Variants in APBB1IP observed in about 807,000 individuals in gnomAD.
APBB1IP encodes the protein amyloid beta precursor protein binding family B member 1 interacting protein, also known as amyloid beta A4 precursor protein-binding family B member 1-interacting protein.
A neutral mutation model predicts 64.9 loss-of-function variants in APBB1IP; 27 were observed. The observed-to-expected ratio is 0.42, with a 90% CI of 0.31 to 0.57. APBB1IP has a LOEUF of 0.57. APBB1IP is among the 20% of genes least tolerant of loss of function. The pLI, the probability that APBB1IP is intolerant of heterozygous loss-of-function variation, is 0.20. For synonymous variants in APBB1IP, 392 were observed against 331.0 expected (o/e 1.18, Z -2.00); for missense variants, 812 against 845.5 (o/e 0.96, Z 0.49).
Position 26,511,777 on chromosome 10 carries a change from A to G in APBB1IP, c.562A>G (p.Ser188Gly), listed in dbSNP as rs1226489021. ...LVVKVHMNDN[S>G]TKSLMVDERQ... ...CGTCAAGGTGCACATGAATGATAAC[A>G]GCACAAAGTCACTGATGGTGGATGA... The change falls in exon 7 of 15, where the codon AGC (serine) becomes GGC (glycine). Residue 188 changes from serine to glycine, a missense_variant. By Grantham distance (56) the Ser-to-Gly change is moderately conservative (BLOSUM62 0). This residue lies in a region of APBB1IP where 394 missense variants were observed against 413.1 expected (regional missense o/e 0.95). Transcript: ENST00000376236. The G allele has an allele frequency of 1.2e-6, 2 of 1,614,102 alleles. No individual in the cohort carries two copies. The highest frequency in any genetic ancestry group is 3.3e-5 in the Admixed American group (2 of 60,008).
intron 2 of APBB1IP, among the ~76,000 whole-genome samples, chr10:26,488,771 T>C (rs926060329): frequency 1.3e-5 from 2 of 152,240 alleles, no homozygotes; most frequent in African/African-American, 4.8e-5. Flanking sequence ...GTTTGATTCC[T>C]CTCTGACTTT....
chr10:26,471,477 A>G (rs1456903200), intron 2 of APBB1IP, among the ~76,000 whole-genome samples: 2 of 152,182 alleles, frequency 1.3e-5, no homozygotes, highest in Non-Finnish European at 2.9e-5. Context: ...AAGGGAGAAT[A>G]TTTACTAAGA....
chr10:26,542,764 G>A (rs1483707614), intron 11 of APBB1IP, among the ~76,000 whole-genome samples: 2 of 129,320 alleles, frequency 1.5e-5, no homozygotes, highest in Non-Finnish European at 3.4e-5. Flanking sequence ...AGATGTCCTA[G>A]CCTTTTTTTT....
rs747882949 is a variant in APBB1IP, at chr10:26,501,091, C to A, written c.433C>A (p.Pro145Thr). The change falls in exon 5 of 15, where the codon CCT becomes ACT. Residue 145 changes from proline (P) to threonine (T), a missense_variant. Transcript: ENST00000376236. ...PVLDLPLPPP[P>T]PEPLSQEEEE... The stretch of plus-strand genomic sequence containing the variant: ...GTTAGACCTTCCACTGCCACCACCA[C>A]CTCCTGAACCTCTCTCTCAGGTAAG... 4.3e-6 allele frequency: 7 copies of A among 1,614,104 alleles called. No individual in the cohort carries two copies. Among genetic ancestry groups the A allele is most frequent in the African/African-American group, 1.3e-5 (1 of 74,942 alleles).
rs140880468 is a variant in APBB1IP at position 26,550,096 on chromosome 10, A to T, written c.1155+8404A>T. On this transcript the variant is annotated intron_variant, in intron 11 of 14. Coordinates refer to ENST00000376236, the MANE Select transcript of APBB1IP (RefSeq NM_019043.4). ...ATTGTCCCACTCTTTCTTGGCCTGC[A>T]AGGTTTCTGCTAAGTCTGCTGCCAG... 4.8e-3 allele frequency among the ~76,000 whole-genome samples: 725 copies of T among 151,562 alleles called. 4 individuals are homozygous for T. Among genetic ancestry groups the T allele is most frequent in the African/African-American group, 0.017 (694 of 41,300 alleles).
intron 13 of APBB1IP, chr10:26,561,841 T>C (rs1206793086): frequency 6.6e-6 from 1 of 152,594 alleles, no homozygotes; most frequent in East Asian, 1.9e-4. Context: ...CTGTGTCCAA[T>C]GTACTTTTTG....
chr10:26,510,734 T>TCTCTCTCACA (rs375916170), intron 6 of APBB1IP, among the ~76,000 whole-genome samples: 11,585 of 135,820 alleles, frequency 0.085, 544 homozygotes, highest in East Asian at 0.18. Context: ...AGACCCTGTC[T>TCTCTCTCACA]CACACACACA....
intron 8 of APBB1IP, among the ~76,000 whole-genome samples, 157 bp downstream of exon 8, chr10:26,513,817 C>G (rs947899898): frequency 6.6e-6 from 1 of 152,114 alleles, no homozygotes; most frequent in African/African-American, 2.4e-5. Context: ...ACTACAACCT[C>G]CGCCTCCTGG....
chr10:26,565,044 G>A (rs1186739411), intron 14 of APBB1IP, among the ~76,000 whole-genome samples: 1 of 152,096 alleles, frequency 6.6e-6, no homozygotes, highest in Non-Finnish European at 1.5e-5. Flanking sequence ...CAGGCAGAAA[G>A]GTCTTTGCCA....
chr10:26,524,233 C>T (rs1274895638), intron 8 of APBB1IP, among the ~76,000 whole-genome samples: 1 of 152,158 alleles, frequency 6.6e-6, no homozygotes, highest in Non-Finnish European at 1.5e-5. Context: ...CCCTTTGCCC[C>T]TGGAAGGTCC....
chr10:26,566,938 A>G, intron 14 of APBB1IP, 23 bp from the exon 15 acceptor site: 2 of 1,548,926 alleles, frequency 1.3e-6, no homozygotes, highest in Non-Finnish European at 8.6e-7. Context: ...AAAAAAATGA[A>G]TGCTACTGCC....
chr10:26,547,900 T>C (rs544721837), intron 11 of APBB1IP, among the ~76,000 whole-genome samples: 1 of 152,352 alleles, frequency 6.6e-6, no homozygotes, highest in African/African-American at 2.4e-5. Flanking sequence ...TTTTTTGGTT[T>C]GTTTTTCTTC....
At chr10:26,524,972 T>TTTTTTTTTTTTTTTTTTTA (rs1836454104) in intron 8 of APBB1IP, among the ~76,000 whole-genome samples, 1 of 143,598 alleles carries the variant, frequency 7.0e-6, no homozygotes, top group African/African-American at 2.6e-5. Context: ...TTTTTTTTTT[T>TTTTTTTTTTTTTTTTTTTA]TTATAAAAAA....
chr10:26,549,257 G>C (rs1836802767), intron 11 of APBB1IP, among the ~76,000 whole-genome samples: 1 of 152,078 alleles, frequency 6.6e-6, no homozygotes, highest in Admixed American at 6.6e-5. Flanking sequence ...TTGTATCTAT[G>C]TTCATCAGGG....
chr10:26,452,159 A>AAG (rs397753798), intron 2 of APBB1IP, among the ~76,000 whole-genome samples: 1 of 151,754 alleles, frequency 6.6e-6, no homozygotes, highest in Admixed American at 6.6e-5. Context: ...GACAAAAAAA[A>AAG]GTGTGTTTAT....
chr10:26,508,084 T>C (rs2132443021), intron 6 of APBB1IP, among the ~76,000 whole-genome samples: 1 of 152,374 alleles, frequency 6.6e-6, no homozygotes, highest in Non-Finnish European at 1.5e-5. Flanking sequence ...CCGAATGTAT[T>C]TGTTCTGTGG....
At chr10:26,550,042 T>C (rs902173785) in intron 11 of APBB1IP, among the ~76,000 whole-genome samples, 2 of 151,718 alleles carry the variant, frequency 1.3e-5, no homozygotes, top group African/African-American at 4.9e-5. Context: ...TTTTTAATCT[T>C]TTTTTTAATC....
chr10:26,535,775 G>A (rs1186177149), intron 9 of APBB1IP, among the ~76,000 whole-genome samples: 1 of 152,042 alleles, frequency 6.6e-6, no homozygotes, highest in African/African-American at 2.4e-5. Context: ...ACCTTATGAA[G>A]TTGGGCTATT....
At chr10:26,513,982 C>T (rs1297506011) in intron 8 of APBB1IP, among the ~76,000 whole-genome samples, 1 of 152,172 alleles carries the variant, frequency 6.6e-6, no homozygotes, top group East Asian at 1.9e-4. Flanking sequence ...GATCTGCCCA[C>T]CTCAGGCTCC....
Sources: allele counts gnomAD v4.1 joint callset (sites outside exome capture counted in the v4.1 genomes callset), GRCh38; gene constraint gnomAD v4.1.1; regional missense constraint gnomAD v4.1.1; transcripts MANE v1.5; gene names NCBI Gene and HGNC (gene_info 2026-07-23, HGNC 2026-07-21).